The following GRM1 variants were observed in gnomAD, a reference collection of about 807,000 sequenced individuals.
GRM1 encodes the protein metabotropic glutamate receptor 1.
In GRM1, 33 loss-of-function variants were observed where a neutral mutation model predicts 90.9. The ratio of observed to expected loss-of-function variants is 0.36; its 90% CI spans 0.28 to 0.49. GRM1 has a LOEUF of 0.49. GRM1 is among the 20% of genes least tolerant of loss of function. The pLI is 0.99. For missense variants in GRM1, 1,190 were observed against 1,534.3 expected, an observed-to-expected ratio of 0.78 and a Z score of 3.75; for synonymous variants, 700 against 613.2, an observed-to-expected ratio of 1.14 and a Z score of -2.09.
intron 2 of GRM1, among the ~76,000 whole-genome samples, chr6:146,196,365 GC>G: frequency 6.7e-6 from 1 of 149,050 alleles, no homozygotes; most frequent in East Asian, 2.0e-4. Context: ...TCGGCTCACT[GC>G]AAGCCCCACC....
chr6:146,118,756 C>T (rs907858972), intron 1 of GRM1, among the ~76,000 whole-genome samples: 2 of 152,206 alleles, frequency 1.3e-5, no homozygotes, highest in African/African-American at 4.8e-5. Flanking sequence ...CATGTCCCTA[C>T]AAAGGACATG....
At chr6:146,122,839 CTTTTTTTTTT>C (rs57859188) in intron 1 of GRM1, among the ~76,000 whole-genome samples, 3 of 62,200 alleles carry the variant, frequency 4.8e-5, no homozygotes, top group Non-Finnish European at 8.6e-5. Context: ...TCTTTTCTTT[CTTTTTTTTTT>C]TTTTTTTTTT....
intron 2 of GRM1, among the ~76,000 whole-genome samples, chr6:146,288,898 T>C (rs538645989): frequency 6.6e-6 from 1 of 152,322 alleles, no homozygotes; most frequent in East Asian, 1.9e-4. Context: ...AGTGATGTCA[T>C]AGTGGCCATA....
intron 5 of GRM1, among the ~76,000 whole-genome samples, chr6:146,372,526 G>T (rs1775941174): frequency 6.6e-6 from 1 of 152,056 alleles, no homozygotes. Flanking sequence ...TATTGCTCAA[G>T]AAATTTTTGC....
rs545656219 is a variant in GRM1, at chr6:146,046,201, C to A, written c.700+15984C>A. On this transcript the variant is annotated intron_variant, in intron 1 of 7. Coordinates refer to ENST00000282753, the MANE Select transcript of GRM1 (RefSeq NM_001278064.2). Reference sequence around the variant, plus strand: ...TATACTTTTATATACATACAATTAGCTGCATTATATTCTACTATAGCTTGT... The same window carrying A: ...TATACTTTTATATACATACAATTAGATGCATTATATTCTACTATAGCTTGT... 8.0e-4 allele frequency among the ~76,000 whole-genome samples: 122 copies of A among 152,130 alleles called. No individual in the cohort carries two copies. In the Middle Eastern group the frequency reaches 0.01, roughly 13 times the overall value.
chr6:146,300,303 C>T (rs1297309887), intron 2 of GRM1, among the ~76,000 whole-genome samples: 2 of 152,154 alleles, frequency 1.3e-5, no homozygotes, highest in Non-Finnish European at 2.9e-5. Flanking sequence ...TGTCAGTTTG[C>T]TAATTAAATT....
At chr6:146,188,436 A>C (rs919976527) in intron 2 of GRM1, among the ~76,000 whole-genome samples, 1 of 152,106 alleles carries the variant, frequency 6.6e-6, no homozygotes, top group African/African-American at 2.4e-5. Flanking sequence ...CTCTATTGCT[A>C]CCTCAGTTGC....
At chr6:146,264,047 T>C (rs1005354531) in intron 2 of GRM1, among the ~76,000 whole-genome samples, 2 of 152,154 alleles carry the variant, frequency 1.3e-5, no homozygotes, top group African/African-American at 4.8e-5. Context: ...CTCTTGTTCC[T>C]AAATAGTCAT....
chr6:146,370,692 A>C (rs2115091853), intron 5 of GRM1, among the ~76,000 whole-genome samples: 1 of 152,064 alleles, frequency 6.6e-6, no homozygotes. Context: ...TCTCAGAATA[A>C]TCTGTCATCA....
intron 2 of GRM1, among the ~76,000 whole-genome samples, chr6:146,221,897 T>C (rs1780076534): frequency 6.6e-6 from 1 of 152,178 alleles, no homozygotes; most frequent in Admixed American, 6.6e-5. Flanking sequence ...TTTCATATAA[T>C]TTTTATGTTC....
intron 7 of GRM1, among the ~76,000 whole-genome samples, chr6:146,415,435 T>C (rs1260915252): frequency 1.3e-5 from 2 of 152,204 alleles, no homozygotes; most frequent in African/African-American, 4.8e-5. Flanking sequence ...TAAATATACA[T>C]TCAGTTCACC....
rs553595133 is a variant in GRM1, at chr6:146,134,917, C to T, written c.701-24431C>T. On this transcript the variant is annotated intron_variant, in intron 1 of 7. Transcript: ENST00000282753. ...CTGGACTCCAGTCTGGATGACAGAG[C>T]GTGACTCCGTCTCAAAAACAAAACA... Among the ~76,000 whole-genome samples, 10 of 152,102 alleles carry T rather than the reference C, an allele frequency of 6.6e-5. 1 individual carries two copies. The highest frequency in any genetic ancestry group is 3.9e-4 in the East Asian group (2 of 5,146).
intron 1 of GRM1, among the ~76,000 whole-genome samples, chr6:146,089,749 G>A (rs1003378464): frequency 3.3e-5 from 5 of 152,030 alleles, no homozygotes; most frequent in Admixed American, 1.3e-4. Flanking sequence ...ATGTGTAAGC[G>A]TATCCTTTTT....
intron 5 of GRM1, among the ~76,000 whole-genome samples, chr6:146,362,090 C>T (rs561534310): frequency 2.0e-5 from 3 of 152,134 alleles, no homozygotes; most frequent in Admixed American, 6.5e-5. Context: ...GCTCTCTTCT[C>T]CTGCTTTCTT....
At chr6:146,113,151 T>C (rs756526948) in intron 1 of GRM1, among the ~76,000 whole-genome samples, 1 of 152,216 alleles carries the variant, frequency 6.6e-6, no homozygotes, top group African/African-American at 2.4e-5. Context: ...TGATTTAATT[T>C]AACTTTTGTC....
At chr6:146,140,089 T>TC (rs1412796494) in intron 1 of GRM1, among the ~76,000 whole-genome samples, 5 of 64,232 alleles carry the variant, frequency 7.8e-5, no homozygotes, top group African/African-American at 1.1e-4. Flanking sequence ...TTTCTTTCTT[T>TC]ATTCTTTCTT....
At chr6:146,140,334 T>C (rs1036201865) in intron 1 of GRM1, among the ~76,000 whole-genome samples, 1 of 152,022 alleles carries the variant, frequency 6.6e-6, no homozygotes, top group Non-Finnish European at 1.5e-5. Flanking sequence ...CAGTGCACGA[T>C]CTCAGCTCAC....
At chr6:146,411,036 G>A (rs1777547703) in intron 7 of GRM1, among the ~76,000 whole-genome samples, 1 of 152,114 alleles carries the variant, frequency 6.6e-6, no homozygotes, top group African/African-American at 2.4e-5. Flanking sequence ...ATTGTGTCAG[G>A]CACTGGGACA....
At chr6:146,424,451 A>G (rs903742136) in intron 7 of GRM1, among the ~76,000 whole-genome samples, 1 of 152,254 alleles carries the variant, frequency 6.6e-6, no homozygotes, top group Non-Finnish European at 1.5e-5. Flanking sequence ...AAGCCTGTCC[A>G]GAAAGGCAGG....
Sources: allele counts gnomAD v4.1 joint callset (sites outside exome capture counted in the v4.1 genomes callset), GRCh38; gene constraint gnomAD v4.1.1; transcripts MANE v1.5; gene names NCBI Gene and HGNC (gene_info 2026-07-23, HGNC 2026-07-21).